Variants in POGZ observed in about 807,000 individuals in gnomAD.
POGZ encodes pogo transposable element derived with ZNF domain.
A neutral mutation model predicts 134.6 loss-of-function variants in POGZ; 17 were observed. That is an observed-to-expected ratio of 0.13 (90% CI 0.09 to 0.19). The LOEUF (loss-of-function observed/expected upper bound fraction) is 0.19. Ranked by LOEUF, POGZ falls within the 10% of genes least tolerant of loss-of-function variation. The probability of loss-of-function intolerance (pLI) is 1.00; values close to 1 mark genes in which losing one functional copy is unlikely to be tolerated. For synonymous variants in POGZ, 693 were observed against 657.1 expected (o/e 1.05, Z -0.84); for missense variants, 1,306 against 1,769.7 (o/e 0.74, Z 4.70).
chr1:151,437,305 T>C (rs1659785153), intron 3 of POGZ, among the ~76,000 whole-genome samples: 1 of 152,142 alleles, frequency 6.6e-6, no homozygotes, highest in Non-Finnish European at 1.5e-5. Flanking sequence ...TGTAGTTCTA[T>C]TTATCAATTT....
At chr1:151,455,863 A>G (rs370943294) in intron 1 of POGZ, among the ~76,000 whole-genome samples, 2 of 151,356 alleles carry the variant, frequency 1.3e-5, no homozygotes, top group East Asian at 1.9e-4. Context: ...TGTTTGGTAA[A>G]TACTAAAACT....
intron 3 of POGZ, among the ~76,000 whole-genome samples, chr1:151,435,387 CATAAG>C (rs1659404717): frequency 2.0e-5 from 3 of 152,152 alleles, no homozygotes; most frequent in African/African-American, 4.8e-5. Context: ...CCTGTGCAAA[CATAAG>C]ATGAGTCAGA....
intron 3 of POGZ, among the ~76,000 whole-genome samples, chr1:151,435,657 T>TA (rs1450509652): frequency 6.6e-6 from 1 of 151,994 alleles, no homozygotes; most frequent in Non-Finnish European, 1.5e-5. Flanking sequence ...CACACTCGCC[T>TA]AATTTTTTTG....
chr1:151,432,422 T>C (rs16833237), intron 3 of POGZ, among the ~76,000 whole-genome samples: 9,824 of 152,230 alleles, frequency 0.065, 583 homozygotes, highest in East Asian at 0.3. Context: ...ATCAGTAGAC[T>C]AGACCCTCAG....
At position 151,404,747 on chromosome 1, in the gene POGZ, T is replaced by C; in HGVS notation, c.*55A>G. 1 of 1,523,326 alleles carries C rather than the reference T, an allele frequency of 6.6e-7. No individual in the cohort carries two copies. 94.4% of individuals were successfully genotyped at this position (1,523,326 alleles called of 1,614,324 possible). On this transcript the variant is annotated 3_prime_UTR_variant, in exon 19 of 19. Coordinates refer to ENST00000271715, the MANE Select transcript of POGZ (RefSeq NM_015100.4). ...ATGCCCCCTTTTCCCTAAGCCCCTTTACCCTCCCTCACATGTTCCCACCCT... is the reference window on the plus strand; with the variant it reads ...ATGCCCCCTTTTCCCTAAGCCCCTTCACCCTCCCTCACATGTTCCCACCCT...
chr1:151,410,239 C>T (rs988775904), intron 12 of POGZ, among the ~76,000 whole-genome samples: 2 of 152,242 alleles, frequency 1.3e-5, no homozygotes, highest in Non-Finnish European at 2.9e-5. Context: ...ACTTCTTCCT[C>T]TGGATTTACC....
Position 151,404,717 on chromosome 1 carries a change from C to T in POGZ, c.*85G>A, listed in dbSNP as rs1571317587. 3 of 1,479,724 alleles carry T rather than the reference C, an allele frequency of 2.0e-6. No individual in the cohort carries two copies. The highest frequency in any genetic ancestry group is 2.3e-5 in the East Asian group (1 of 42,936). 91.7% of individuals were successfully genotyped at this position (1,479,724 alleles called of 1,614,324 possible). On this transcript the variant is annotated 3_prime_UTR_variant, in exon 19 of 19. Coordinates refer to ENST00000271715, the MANE Select transcript of POGZ (RefSeq NM_015100.4). ...AAAAAATAGAAACCAAATACCCCAC[C>T]TGGTATGCCCCCTTTTCCCTAAGCC...
intron 1 of POGZ, among the ~76,000 whole-genome samples, chr1:151,448,083 G>A (rs572235359): frequency 3.0e-4 from 45 of 152,130 alleles, no homozygotes; most frequent in African/African-American, 1.0e-3. Context: ...ACCTCCATAT[G>A]AATCCCCAAG....
At chr1:151,442,985 G>A (rs1660769032) in intron 1 of POGZ, among the ~76,000 whole-genome samples, 1 of 148,526 alleles carries the variant, frequency 6.7e-6, no homozygotes, top group Non-Finnish European at 1.5e-5. Context: ...AGCCAAGATC[G>A]CACCACTGCA....
Position 151,407,029 on chromosome 1 carries a change from A to G in POGZ, c.2433-6T>C. On this transcript the variant is annotated splice_polypyrimidine_tract_variant and splice_region_variant and intron_variant, in intron 16 of 18. Coordinates refer to ENST00000271715, the MANE Select transcript of POGZ (RefSeq NM_015100.4). ...TGCAGGCCAGCTTGATTCCACTAAA[A>G]AAGAGAATTGAGACTATGTAAGACA... The G allele has an allele frequency of 6.2e-7, 1 of 1,607,426 alleles. No individual in the cohort carries two copies. Among genetic ancestry groups the G allele is most frequent in the Non-Finnish European group, 8.5e-7 (1 of 1,174,076 alleles).
chr1:151,403,162 G>T lies in POGZ; in HGVS notation c.*1640C>A. The T allele has an allele frequency of 1.1e-6, 1 of 948,042 alleles. No individual in the cohort carries two copies. The highest frequency in any genetic ancestry group is 1.3e-6 in the Non-Finnish European group (1 of 795,664). The allele number at this position is 948,042 out of a possible 1,614,324, so 58.7% of individuals were successfully genotyped here. On this transcript the variant is annotated 3_prime_UTR_variant, in exon 19 of 19. Transcript: ENST00000271715. ...AAGCTGGCCAAGCTGTTTCTGGAAG[G>T]GACTTTTCCAGTTCACTATATTATA...
rs557687442 is a variant in POGZ at position 151,452,591 on chromosome 1, C to T, written c.-2+6561G>A. ...CATTAAAAATCATCCTGTCACCAGG[C>T]GCAGTGGCTCACGCCTGTAATCCCA... On this transcript the variant is annotated intron_variant, in intron 1 of 18. Transcript: ENST00000271715. Among the ~76,000 whole-genome samples the T allele has an allele frequency of 5.9e-5, 9 of 152,184 alleles. 1 individual carries two copies. In the South Asian group the frequency reaches 1.4e-3, roughly 25 times the overall value.
chr1:151,420,958 G>C (rs911987234), intron 10 of POGZ, among the ~76,000 whole-genome samples: 1 of 146,364 alleles, frequency 6.8e-6, no homozygotes, highest in South Asian at 2.2e-4. Flanking sequence ...ACCTCAGATA[G>C]TATTGAACCC....
In POGZ at chr1:151,441,090, T is replaced by G; in HGVS notation, c.125-4A>C. The G allele has an allele frequency of 1.9e-6, 3 of 1,612,602 alleles. No individual in the cohort carries two copies. Among genetic ancestry groups the G allele is most frequent in the Non-Finnish European group, 2.5e-6 (3 of 1,179,118 alleles). On this transcript the variant is annotated splice_region_variant and splice_polypyrimidine_tract_variant and intron_variant, in intron 2 of 18. Coordinates refer to ENST00000271715, the MANE Select transcript of POGZ (RefSeq NM_015100.4). ...ACTGGCTGCTGGCTCACAGAAACTG[T>G]GGGGAAGGGGAGGCATAGTCACTTG... is the stretch of plus-strand genomic sequence containing the variant.
intron 10 of POGZ, among the ~76,000 whole-genome samples, chr1:151,414,066 G>A (rs923519817): frequency 1.3e-5 from 2 of 152,062 alleles, no homozygotes; most frequent in African/African-American, 4.8e-5. Flanking sequence ...GGTGCTATGA[G>A]GACATGGATA....
intron 10 of POGZ, among the ~76,000 whole-genome samples, chr1:151,419,503 C>CA (rs985608369): frequency 1.3e-5 from 2 of 150,872 alleles, no homozygotes; most frequent in African/African-American, 2.4e-5. Flanking sequence ...CCCCCCAAAA[C>CA]AAAAAACCCC....
In POGZ at chr1:151,403,638, T is replaced by C; in HGVS notation, c.*1164A>G. 1 of 985,786 alleles carries C rather than the reference T, an allele frequency of 1.0e-6. No homozygotes were observed. Among genetic ancestry groups the C allele is most frequent in the South Asian group, 4.7e-5 (1 of 21,290 alleles). 61.1% of individuals were successfully genotyped at this position (985,786 alleles called of 1,614,324 possible). ...AGTGAAAAATAAAGATTCATGTCAT[T>C]TTCTTTGTGCACACCCCTGTGCGCT... On this transcript the variant is annotated 3_prime_UTR_variant, in exon 19 of 19. Coordinates refer to ENST00000271715, the MANE Select transcript of POGZ (RefSeq NM_015100.4).
At chr1:151,446,918 A>G (rs750196113) in intron 1 of POGZ, among the ~76,000 whole-genome samples, 5 of 152,152 alleles carry the variant, frequency 3.3e-5, no homozygotes, top group Non-Finnish European at 5.9e-5. Context: ...ATTGAATAAA[A>G]AAGTTAGACA....
chr1:151,438,084 G>T (rs1659922424), intron 3 of POGZ, among the ~76,000 whole-genome samples: 1 of 151,974 alleles, frequency 6.6e-6, no homozygotes, highest in South Asian at 2.1e-4. Flanking sequence ...GGTGGTGCAT[G>T]CCTGTAATCC....
Sources: gnomAD v4.1 joint callset for allele counts (sites outside exome capture counted in the v4.1 genomes callset) on GRCh38, gnomAD v4.1.1 for gene constraint, MANE v1.5 for transcripts, NCBI Gene and HGNC (gene_info 2026-07-23, HGNC 2026-07-21) for gene names.